The following NFAT5 variants were observed in gnomAD, a reference collection of about 807,000 sequenced individuals.
The protein encoded by NFAT5 is nuclear factor of activated T cells 5, also known as nuclear factor of activated T-cells 5.
Under a neutral mutation model 166.5 loss-of-function variants are expected in NFAT5, and 31 were observed. That is an observed-to-expected ratio of 0.19 (90% CI 0.14 to 0.25). The LOEUF is 0.25. Ranked by LOEUF, NFAT5 falls within the 10% of genes least tolerant of loss-of-function variation. The pLI, the probability that NFAT5 is intolerant of heterozygous loss-of-function variation, is 1.00. For missense variants in NFAT5, 1,449 were observed against 1,821.8 expected, an observed-to-expected ratio of 0.80 and a Z score of 3.72; for synonymous variants, 612 against 639.7, an observed-to-expected ratio of 0.96 and a Z score of 0.65.
At chr16:69,657,467 C>T (rs1227191739) in intron 6 of NFAT5, among the ~76,000 whole-genome samples, 3 of 136,460 alleles carry the variant, frequency 2.2e-5, no homozygotes, top group African/African-American at 8.1e-5. Context: ...TTGAAAATTA[C>T]TAAAAAAGGG....
At chr16:69,658,127 A>G (rs1032819804) in intron 6 of NFAT5, among the ~76,000 whole-genome samples, 2 of 151,548 alleles carry the variant, frequency 1.3e-5, no homozygotes, top group African/African-American at 2.4e-5. Flanking sequence ...ATAAATACAT[A>G]TAGTAGAGGA....
chr16:69,645,912 G>A (rs1012887707), intron 3 of NFAT5, among the ~76,000 whole-genome samples: 6 of 152,162 alleles, frequency 3.9e-5, no homozygotes, highest in Admixed American at 1.3e-4. Flanking sequence ...TATTTTCAGT[G>A]CGCTATTCTG....
intron 2 of NFAT5, among the ~76,000 whole-genome samples, chr16:69,619,936 A>G (rs998765268): frequency 1.3e-5 from 2 of 152,230 alleles, no homozygotes; most frequent in Non-Finnish European, 2.9e-5. Context: ...GACCCACTGT[A>G]GTGAAATTCT....
At chr16:69,622,695 T>C (rs1036423298) in intron 2 of NFAT5, among the ~76,000 whole-genome samples, 10 of 152,170 alleles carry the variant, frequency 6.6e-5, no homozygotes, top group Non-Finnish European at 1.5e-4. Flanking sequence ...GATAAAATCC[T>C]GATTAGTAAC....
rs891708136 is a variant in NFAT5, at chr16:69,590,916, A to G, written c.127+22368A>G. Among the ~76,000 whole-genome samples, 7 of 152,084 alleles carry G rather than the reference A, an allele frequency of 4.6e-5. No individual in the cohort carries two copies. In the East Asian group the frequency reaches 1.4e-3, roughly 29 times the overall value. ...ACCTTAATGTGTGAGAGGCTGTATC[A>G]TTTTATTTCCCAAATTGTATTTTCT... On this transcript the variant is annotated intron_variant, in intron 2 of 14. Coordinates refer to ENST00000349945, the MANE Select transcript of NFAT5 (RefSeq NM_138713.4).
chr16:69,592,088 T>C lies in NFAT5; in HGVS notation c.127+23540T>C, dbSNP rs1036112285. Among the ~76,000 whole-genome samples, 7 of 149,352 alleles carry C rather than the reference T, an allele frequency of 4.7e-5. No individual in the cohort carries two copies. The South Asian group carries it at 1.5e-3, about 32-fold the overall frequency. Reference sequence around the variant, plus strand: ...AATGATAATTACTTTTTCTTTTTTTTTTTTTTTTTGAGAAGGAATCTCACT... The same window carrying C: ...AATGATAATTACTTTTTCTTTTTTTCTTTTTTTTTGAGAAGGAATCTCACT... On this transcript the variant is annotated intron_variant, in intron 2 of 14. Transcript: ENST00000349945.
chr16:69,661,992 G>A (rs2036165490), intron 7 of NFAT5, among the ~76,000 whole-genome samples: 1 of 152,148 alleles, frequency 6.6e-6, no homozygotes, highest in Non-Finnish European at 1.5e-5. Flanking sequence ...GGAGGCCAAG[G>A]CAGGGGGATT....
chr16:69,663,835 C>T (rs532397876), intron 7 of NFAT5, among the ~76,000 whole-genome samples: 1 of 152,138 alleles, frequency 6.6e-6, no homozygotes, highest in South Asian at 2.1e-4. Context: ...TATGGTGGCA[C>T]CACTGCACTC....
At chr16:69,588,980 C>CTTTTTTTTTTTTTTT (rs945918292) in intron 2 of NFAT5, among the ~76,000 whole-genome samples, 9 of 34,362 alleles carry the variant, frequency 2.6e-4, no homozygotes, top group Non-Finnish European at 5.7e-4. Flanking sequence ...TTTCCTACTT[C>CTTTTTTTTTTTTTTT]TTTTTTTTTT....
At chr16:69,592,237 G>A (rs1295734722) in intron 2 of NFAT5, among the ~76,000 whole-genome samples, 1 of 151,450 alleles carries the variant, frequency 6.6e-6, no homozygotes, top group Non-Finnish European at 1.5e-5. Context: ...CCACCACCAC[G>A]CCTGGATAAT....
chr16:69,684,629 G>T (rs1376907227), intron 10 of NFAT5, among the ~76,000 whole-genome samples: 9 of 152,018 alleles, frequency 5.9e-5, no homozygotes, highest in African/African-American at 2.2e-4. Context: ...GTGATCACCC[G>T]CCTTGGCTTC....
chr16:69,575,164 CTTAT>C (rs527994835), intron 2 of NFAT5, among the ~76,000 whole-genome samples: 11 of 152,060 alleles, frequency 7.2e-5, no homozygotes, highest in South Asian at 2.1e-4. Flanking sequence ...GTTGATTATG[CTTAT>C]TTATTTATTT....
chr16:69,566,560 A>G lies in NFAT5; in HGVS notation c.73+186A>G, dbSNP rs2142880997. Among the ~76,000 whole-genome samples, 1 of 152,016 alleles carries G rather than the reference A, an allele frequency of 6.6e-6. No individual in the cohort carries two copies. The highest frequency in any genetic ancestry group is 2.1e-4 in the South Asian group (1 of 4,828). ...TGACGGTGGAGGGGGCGGGCGGAGC[A>G]GTGGCGGCCCCTCCCCCGCGGAGCC... On this transcript the variant is annotated intron_variant, in intron 1 of 14. Transcript: ENST00000349945. The surrounding 1 kb of genome is among the most constrained non-coding windows in gnomAD (Gnocchi z 5.7).
intron 2 of NFAT5, among the ~76,000 whole-genome samples, chr16:69,609,062 A>C (rs1220688634): frequency 6.6e-6 from 1 of 151,710 alleles, no homozygotes; most frequent in Non-Finnish European, 1.5e-5. Flanking sequence ...CAGAGCTTGC[A>C]GTGAGCTAAG....
At chr16:69,636,537 C>G (rs144209987) in intron 3 of NFAT5, among the ~76,000 whole-genome samples, 1,757 of 152,326 alleles carry the variant, frequency 0.012, 26 homozygotes, top group African/African-American at 0.037. Context: ...GGTTTCCATA[C>G]ATCCTCTGAA....
chr16:69,567,567 A>G (rs958142762), intron 1 of NFAT5, among the ~76,000 whole-genome samples: 2 of 152,162 alleles, frequency 1.3e-5, no homozygotes, highest in East Asian at 1.9e-4. Flanking sequence ...CCTTCCTACT[A>G]GTGTATCTAA....
At chr16:69,682,017 T>C (rs2037082840) in intron 10 of NFAT5, among the ~76,000 whole-genome samples, 1 of 152,004 alleles carries the variant, frequency 6.6e-6, no homozygotes, top group Non-Finnish European at 1.5e-5. Context: ...AGTGAACATG[T>C]CCTGGTTCCA....
intron 2 of NFAT5, among the ~76,000 whole-genome samples, chr16:69,598,794 G>A (rs2032957245): frequency 6.6e-6 from 1 of 152,128 alleles, no homozygotes; most frequent in Non-Finnish European, 1.5e-5. Flanking sequence ...GGAGGCTGAG[G>A]TGGGTGGGTC....
chr16:69,702,609 C>G lies in NFAT5; in HGVS notation c.*6258C>G, dbSNP rs1380507260. ...AGTTAGAAATGTAAATTCTTTGGCC[C>G]CATCCCAGACATACTGAGTCAGAAA... On this transcript the variant is annotated 3_prime_UTR_variant, in exon 15 of 15. Coordinates refer to ENST00000349945, the MANE Select transcript of NFAT5 (RefSeq NM_138713.4). 2.0e-5 allele frequency: 3 copies of G among 152,010 alleles called. No homozygotes were observed. The highest frequency in any genetic ancestry group is 2.9e-5 in the Non-Finnish European group (2 of 68,022). 9.4% of individuals were successfully genotyped at this position (152,010 alleles called of 1,614,324 possible). A position where few individuals can be genotyped will look rare whatever the true frequency, so the allele number is the denominator to read the frequency against.
Sources: allele counts gnomAD v4.1 joint callset (sites outside exome capture counted in the v4.1 genomes callset), GRCh38; gene constraint gnomAD v4.1.1; non-coding constraint Gnocchi (gnomAD v3.1); transcripts MANE v1.5; gene names NCBI Gene and HGNC (gene_info 2026-07-23, HGNC 2026-07-21).